Variants in IL17B observed in about 807,000 individuals in gnomAD.
IL17B encodes interleukin 17B.
Under a neutral mutation model 14.7 loss-of-function variants are expected in IL17B, and 14 were observed. The ratio of observed to expected loss-of-function variants is 0.95; its 90% confidence interval spans 0.63 to 1.49. The LOEUF is 1.49. Ranked by LOEUF, IL17B falls within the 40% of genes most tolerant of loss-of-function variation. The pLI, the probability that IL17B is intolerant of heterozygous loss-of-function variation, is 0.00. For synonymous variants in IL17B, 105 were observed against 94.8 expected, an observed-to-expected ratio of 1.11 and a Z score of -0.62; for missense variants, 233 against 252.8, an observed-to-expected ratio of 0.92 and a Z score of 0.53.
At chr5:149,390,630 C>CACACAGAGAGAGAG (rs1491235916) in intron 1 of IL17B, among the ~76,000 whole-genome samples, 1 of 132,000 alleles carries the variant, frequency 7.6e-6, no homozygotes, top group African/African-American at 2.9e-5. Context: ...CACACACACA[C>CACACAGAGAGAGAG]AGAGATACAC....
At position 149,377,054 on chromosome 5, in the gene IL17B, G is replaced by A. The variant is rs762256190; in HGVS notation, c.22-29C>T. On this transcript the variant is annotated intron_variant, in intron 1 of 2. Transcript: ENST00000261796. ...GGGAGGAAAGCCACAGGTCAAAGGT[G>A]GGAGAGCCAAGTCTCTATCTGGGCC... 79 of 1,517,414 alleles carry A rather than the reference G, an allele frequency of 5.2e-5. No individual in the cohort carries two copies. In the African/African-American group the frequency reaches 7.7e-4, roughly 15 times the overall value. 94.0% of individuals were successfully genotyped at this position (1,517,414 alleles called of 1,614,324 possible).
intron 1 of IL17B, among the ~76,000 whole-genome samples, chr5:149,392,939 C>T (rs571196366): frequency 7.3e-5 from 11 of 150,364 alleles, no homozygotes; most frequent in South Asian, 4.2e-4. Flanking sequence ...TGTGTACGTG[C>T]GTGTGTGCGT....
At chr5:149,399,051 C>T (rs1047365683) in intron 1 of IL17B, among the ~76,000 whole-genome samples, 3 of 152,148 alleles carry the variant, frequency 2.0e-5, no homozygotes, top group South Asian at 2.1e-4. Flanking sequence ...TCAGATCTCG[C>T]GAGACTCATT....
chr5:149,378,935 G>A (rs949114768), intron 1 of IL17B, among the ~76,000 whole-genome samples: 3 of 152,132 alleles, frequency 2.0e-5, no homozygotes, highest in South Asian at 2.1e-4. Flanking sequence ...GAAAAACCCC[G>A]ATAACTGAGT....
At chr5:149,392,091 G>A (rs1192854850) in intron 1 of IL17B, among the ~76,000 whole-genome samples, 1 of 152,196 alleles carries the variant, frequency 6.6e-6, no homozygotes, top group Non-Finnish European at 1.5e-5. Context: ...GAGGGAGGTG[G>A]GTAACGGGAT....
chr5:149,388,912 G>A (rs1164228426), intron 1 of IL17B, among the ~76,000 whole-genome samples: 1 of 152,180 alleles, frequency 6.6e-6, no homozygotes, highest in Non-Finnish European at 1.5e-5. Flanking sequence ...CTCCTTAATT[G>A]TCAGTTCCTC....
chr5:149,386,832 A>C (rs991194551), intron 1 of IL17B, among the ~76,000 whole-genome samples: 1 of 152,120 alleles, frequency 6.6e-6, no homozygotes, highest in Non-Finnish European at 1.5e-5. Context: ...CAGCCTCCCA[A>C]GTAGCTGAGG....
At chr5:149,384,589 T>G (rs1581389864) in intron 1 of IL17B, among the ~76,000 whole-genome samples, 1 of 152,222 alleles carries the variant, frequency 6.6e-6, no homozygotes, top group South Asian at 2.1e-4. Flanking sequence ...GCAAGTGACC[T>G]AACCTCCCTG....
rs1758550095 is a variant in IL17B at position 149,376,716 on chromosome 5, G to A, written c.311+20C>T. ...GGTCCCCACCCCCCAAAGACAGCTT[G>A]CCACCACTGCCCAGCCTACCTGTAG... is the stretch of plus-strand genomic sequence containing the variant. On this transcript the variant is annotated intron_variant, in intron 2 of 2. Transcript: ENST00000261796. 2 of 1,582,122 alleles carry A rather than the reference G, an allele frequency of 1.3e-6. No individual in the cohort carries two copies. Among genetic ancestry groups the A allele is most frequent in the South Asian group, 1.2e-5 (1 of 85,124 alleles).
At chr5:149,392,485 A>C (rs1488875838) in intron 1 of IL17B, among the ~76,000 whole-genome samples, 1 of 152,220 alleles carries the variant, frequency 6.6e-6, no homozygotes, top group Non-Finnish European at 1.5e-5. Context: ...AAGAATGTGA[A>C]TAGTACACCC....
At chr5:149,376,395 A>T (rs1332811384) in intron 2 of IL17B, among the ~76,000 whole-genome samples, 1 of 152,222 alleles carries the variant, frequency 6.6e-6, no homozygotes, top group Non-Finnish European at 1.5e-5. Flanking sequence ...CACACCTGAG[A>T]AGGGCGTCCG....
chr5:149,392,705 ATAT>A (rs1758994574), intron 1 of IL17B, among the ~76,000 whole-genome samples: 1 of 152,216 alleles, frequency 6.6e-6, no homozygotes, highest in Admixed American at 6.5e-5. Context: ...CAATGTATAG[ATAT>A]TATCTATTCA....
At chr5:149,385,639 T>A (rs534588370) in intron 1 of IL17B, among the ~76,000 whole-genome samples, 28 of 152,340 alleles carry the variant, frequency 1.8e-4, no homozygotes, top group African/African-American at 6.3e-4. Context: ...CCAGGCCCCC[T>A]GCCCACTGGA....
chr5:149,381,596 T>C (rs566408857), upstream of IL17B, among the ~76,000 whole-genome samples: 107 of 152,314 alleles, frequency 7.0e-4, no homozygotes, highest in African/African-American at 2.5e-3. Flanking sequence ...GGCCAGTCCT[T>C]GTGGGGGCCC....
chr5:149,376,182 G>A (rs975704165), intron 2 of IL17B, among the ~76,000 whole-genome samples: 5 of 152,188 alleles, frequency 3.3e-5, no homozygotes, highest in Admixed American at 6.5e-5. Flanking sequence ...TGCTGCCATC[G>A]TTATCCAGGG....
chr5:149,399,491 T>C (rs1335227820), intron 1 of IL17B, among the ~76,000 whole-genome samples: 1 of 152,056 alleles, frequency 6.6e-6, no homozygotes, highest in Non-Finnish European at 1.5e-5. Context: ...AATTATCTTT[T>C]TTTTTAATCT....
At chr5:149,402,732 G>C (rs1277990111) in intron 1 of IL17B, among the ~76,000 whole-genome samples, 1 of 150,684 alleles carries the variant, frequency 6.6e-6, no homozygotes, top group Non-Finnish European at 1.5e-5. Context: ...TGCCGGGCAC[G>C]GTGGCTCATG....
rs140684808 is a variant in IL17B at position 149,376,742 on chromosome 5, C to T, written c.305G>A (p.Gly102Asp). The T allele has an allele frequency of 1.1e-5, 17 of 1,605,726 alleles. No homozygotes were observed. In the African/African-American group the frequency reaches 1.7e-4, roughly 16 times the overall value. Residue 102 changes from glycine to aspartate, a missense_variant, in exon 2 of 3, where the codon GGC becomes GAC. Gly to Asp is a moderately conservative substitution (Grantham distance 94, BLOSUM62 -1). Coordinates refer to ENST00000261796, the MANE Select transcript of IL17B (RefSeq NM_014443.3). Reference protein sequence around the residue: ...MSNKRSLSPWGYSINHDPSRI... With the variant: ...MSNKRSLSPWDYSINHDPSRI... Reference sequence around the variant, plus strand: ...CCACCACTGCCCAGCCTACCTGTAGCCCCAGGGAGACAGGCTCCTCTTGTT... The same window carrying T: ...CCACCACTGCCCAGCCTACCTGTAGTCCCAGGGAGACAGGCTCCTCTTGTT...
intron 1 of IL17B, among the ~76,000 whole-genome samples, chr5:149,393,206 C>G (rs560364594): frequency 6.4e-4 from 98 of 152,340 alleles, no homozygotes; most frequent in Admixed American, 2.8e-3. Flanking sequence ...AATCCAGCCT[C>G]TGGGCTTTGA....
Sources: allele counts gnomAD v4.1 joint callset (sites outside exome capture counted in the v4.1 genomes callset), GRCh38; gene constraint gnomAD v4.1.1; transcripts MANE v1.5; gene names NCBI Gene and HGNC (gene_info 2026-07-23, HGNC 2026-07-21).